PROM1: variants seen among roughly 807,000 people sequenced by gnomAD.
PROM1 encodes the protein prominin-1.
In PROM1, 105 loss-of-function variants were observed where a neutral mutation model predicts 116.9. The observed-to-expected ratio is 0.90, with a 90% CI of 0.77 to 1.06. The LOEUF is 1.06. Ranked by LOEUF, PROM1 falls within the 50% of genes least tolerant of loss-of-function variation. The pLI is 0.00. For synonymous variants in PROM1, 393 were observed against 387.0 expected, an observed-to-expected ratio of 1.02 and a Z score of -0.18; for missense variants, 1,122 against 1,045.2, an observed-to-expected ratio of 1.07 and a Z score of -1.01.
At chr4:16,049,016 A>G (rs1438627879) in intron 2 of PROM1, among the ~76,000 whole-genome samples, 1 of 152,290 alleles carries the variant, frequency 6.6e-6, no homozygotes, top group South Asian at 2.1e-4. Flanking sequence ...CACCCTGATG[A>G]TGGGGCGGCT....
intron 2 of PROM1, among the ~76,000 whole-genome samples, chr4:16,051,766 A>C (rs1227696062): frequency 6.6e-6 from 1 of 152,188 alleles, no homozygotes; most frequent in African/African-American, 2.4e-5. Flanking sequence ...AACTGGAACC[A>C]GGTTTCTGAC....
chr4:16,060,211 C>G (rs1384668270), intron 2 of PROM1, among the ~76,000 whole-genome samples: 1 of 152,084 alleles, frequency 6.6e-6, no homozygotes, highest in Non-Finnish European at 1.5e-5. Context: ...GTTATCCCTG[C>G]ATTTTTTTTC....
In PROM1 at chr4:16,028,453, G is replaced by A. The variant is rs563216394; in HGVS notation, c.510-3141C>T. ...AAAATCTGGGAATCTGGATTCTTAT[G>A]TGAAATATCCCAATTTTTAAATATT... On this transcript the variant is annotated intron_variant, in intron 5 of 27. Transcript: ENST00000447510. Among the ~76,000 whole-genome samples the A allele has an allele frequency of 2.0e-5, 3 of 152,096 alleles. No homozygotes were observed. The South Asian group carries it at 6.2e-4, about 32-fold the overall frequency.
At chr4:16,020,596 T>C (rs1169660984) in intron 8 of PROM1, among the ~76,000 whole-genome samples, 2 of 152,182 alleles carry the variant, frequency 1.3e-5, no homozygotes, top group African/African-American at 4.8e-5. Context: ...TAATGTTCTG[T>C]GGTTTACTCC....
chr4:16,018,448 T>C lies in PROM1; in HGVS notation c.877A>G (p.Ser293Gly). 1 of 1,613,760 alleles carries C rather than the reference T, an allele frequency of 6.2e-7. No individual in the cohort carries two copies. The highest frequency in any genetic ancestry group is 8.5e-7 in the Non-Finnish European group (1 of 1,179,888). The stretch of plus-strand genomic sequence containing the variant: ...GATGACCGCAGGCTAGTTTTCACGC[T>C]GGTCAGACTGCTGCTAAGCTGTGTA... ...QSTQLSSSLTSVKTSLRSSLN... is the reference protein window; with the variant it reads ...QSTQLSSSLTGVKTSLRSSLN... The change falls in exon 9 of 28, where the codon AGC (serine) becomes GGC (glycine). Residue 293 changes from serine to glycine, a missense_variant. Physicochemically the swap from Ser to Gly is moderately conservative, Grantham distance 56. Coordinates refer to ENST00000447510, the MANE Select transcript of PROM1 (RefSeq NM_006017.3).
intron 2 of PROM1, among the ~76,000 whole-genome samples, chr4:16,065,602 G>C (rs1037216776): frequency 6.6e-6 from 1 of 152,162 alleles, no homozygotes; most frequent in African/African-American, 2.4e-5. Flanking sequence ...GCCAAACAGC[G>C]TCAGGCTTGG....
At chr4:15,979,953 GA>G in intron 24 of PROM1, 49 bp from the exon 25 acceptor site, 1 of 1,160,508 alleles carries the variant, frequency 8.6e-7, no homozygotes, top group Non-Finnish European at 1.2e-6. Context: ...TAATTATTAT[GA>G]AAGCTCAGCA....
intron 20 of PROM1, 105 bp from the exon 21 acceptor site, chr4:15,986,142 G>A (rs944326402): frequency 2.8e-5 from 21 of 746,606 alleles, no homozygotes; most frequent in Non-Finnish European, 3.9e-5. Context: ...GCAACACCAC[G>A]ACCTGGACCT....
intron 11 of PROM1, among the ~76,000 whole-genome samples, chr4:16,012,891 A>G (rs200247565): frequency 6.9e-6 from 1 of 144,162 alleles, no homozygotes; most frequent in East Asian, 2.3e-4. Flanking sequence ...AAAAAAAAAA[A>G]CAACAAACTT....
intron 27 of PROM1, among the ~76,000 whole-genome samples, chr4:15,970,820 AT>A (rs976093478): frequency 6.2e-4 from 73 of 117,800 alleles, no homozygotes; most frequent in African/African-American, 1.9e-3. Flanking sequence ...TTAAAAAAAA[AT>A]TTTTTTAGAG....
chr4:16,004,180 T>C (rs1441128834), intron 13 of PROM1, among the ~76,000 whole-genome samples: 1 of 152,226 alleles, frequency 6.6e-6, no homozygotes, highest in Non-Finnish European at 1.5e-5. Flanking sequence ...AAGCGTGCCA[T>C]GCTGACTGGT....
intron 2 of PROM1, among the ~76,000 whole-genome samples, chr4:16,039,695 G>A (rs915935174): frequency 1.4e-5 from 2 of 146,108 alleles, no homozygotes; most frequent in African/African-American, 5.2e-5. Context: ...CCGAAATCGC[G>A]CCACTGCACT....
At chr4:16,056,251 A>G (rs959424450) in intron 2 of PROM1, among the ~76,000 whole-genome samples, 2 of 152,164 alleles carry the variant, frequency 1.3e-5, no homozygotes, top group Non-Finnish European at 2.9e-5. Context: ...AAACGCTGCA[A>G]CCAGATTTAG....
intron 1 of PROM1, chr4:16,083,310 C>G (rs144513096): frequency 6.6e-6 from 1 of 152,356 alleles, no homozygotes; most frequent in Admixed American, 6.5e-5. Context: ...CTCCGACTCC[C>G]GCTCCGGAAC....
chr4:16,068,350 G>A (rs1464397421), intron 2 of PROM1, among the ~76,000 whole-genome samples: 1 of 152,206 alleles, frequency 6.6e-6, no homozygotes, highest in African/African-American at 2.4e-5. Context: ...GTTGTTATCT[G>A]GCTTTCCAAG....
At chr4:15,990,080 C>T (rs975748095) in intron 18 of PROM1, among the ~76,000 whole-genome samples, 4 of 152,200 alleles carry the variant, frequency 2.6e-5, no homozygotes, top group African/African-American at 4.8e-5. Flanking sequence ...CTCTCCACCT[C>T]ACCATGATAC....
rs537212426 is a variant in PROM1 at position 16,010,808 on chromosome 4, CT to C, written c.1142-1701del. ...GAGCCACCACACCCGGCCCTGGAAA[CT>C]TTTTTAAAGTTTGTTTTTCACATAG... On this transcript the variant is annotated intron_variant, in intron 11 of 27. Transcript: ENST00000447510. Among the ~76,000 whole-genome samples, 44 of 152,184 alleles carry C rather than the reference CT, an allele frequency of 2.9e-4. No individual in the cohort carries two copies. The South Asian group carries it at 3.9e-3, about 14-fold the overall frequency.
In PROM1 at chr4:16,008,646, G is replaced by A. The variant is rs534372394; in HGVS notation, c.1301+303C>T. On this transcript the variant is annotated intron_variant, in intron 12 of 27. Coordinates refer to ENST00000447510, the MANE Select transcript of PROM1 (RefSeq NM_006017.3). ...AAAATTGCAAATTATCAAGTATTTG[G>A]CTCACGAAGGTCCAGTCTTCAACTT... 1.0e-3 allele frequency among the ~76,000 whole-genome samples: 155 copies of A among 152,250 alleles called. 3 individuals are homozygous for A. In the South Asian group the frequency reaches 0.031, roughly 30 times the overall value.
At chr4:16,013,036 G>A (rs1051820536) in intron 11 of PROM1, among the ~76,000 whole-genome samples, 1 of 152,154 alleles carries the variant, frequency 6.6e-6, no homozygotes, top group Non-Finnish European at 1.5e-5. Context: ...CACTGTGGCT[G>A]TCAACCATGT....
Sources: allele counts gnomAD v4.1 joint callset (sites outside exome capture counted in the v4.1 genomes callset), GRCh38; gene constraint gnomAD v4.1.1; transcripts MANE v1.5; gene names NCBI Gene and HGNC (gene_info 2026-07-23, HGNC 2026-07-21).